Variants in CSGALNACT1 observed in about 807,000 individuals in gnomAD.
CSGALNACT1 encodes beta4GalNAcT-1.
CSGALNACT1 carries 52 observed loss-of-function variants against 51.0 expected under a neutral mutation model. The observed-to-expected ratio is 1.02, with a 90% confidence interval of 0.82 to 1.29. The LOEUF is 1.29. Ranked by LOEUF, CSGALNACT1 falls within the 50% of genes most tolerant of loss-of-function variation. CSGALNACT1 has a pLI of 0.00. For missense variants in CSGALNACT1, 935 were observed against 679.2 expected (o/e 1.38, Z -4.19); for synonymous variants, 341 against 254.4 (o/e 1.34, Z -3.24).
chr8:19,528,426 A>G (rs143387965), intron 3 of CSGALNACT1, among the ~76,000 whole-genome samples: 239 of 152,324 alleles, frequency 1.6e-3, no homozygotes, highest in Middle Eastern at 0.01. Context: ...AGGCCACTCC[A>G]TAATTTTGTC....
intron 1 of CSGALNACT1, among the ~76,000 whole-genome samples, chr8:19,699,943 T>C (rs574778545): frequency 6.6e-6 from 1 of 152,068 alleles, no homozygotes; most frequent in Admixed American, 6.5e-5. Flanking sequence ...AAACCCTGTC[T>C]CTACTAAAAA....
chr8:19,571,096 A>G (rs2042929521), intron 3 of CSGALNACT1, among the ~76,000 whole-genome samples: 1 of 152,080 alleles, frequency 6.6e-6, no homozygotes, highest in South Asian at 2.1e-4. Context: ...TCAGCCTCCC[A>G]AGTAACTGGA....
chr8:19,420,953 A>G (rs2057824751), intron 6 of CSGALNACT1, among the ~76,000 whole-genome samples: 1 of 152,224 alleles, frequency 6.6e-6, no homozygotes. Flanking sequence ...CTGCATTCAC[A>G]TCCAGGAGCC....
At chr8:19,589,190 G>A (rs539249082) in intron 3 of CSGALNACT1, among the ~76,000 whole-genome samples, 11 of 152,280 alleles carry the variant, frequency 7.2e-5, no homozygotes, top group East Asian at 3.9e-4. Flanking sequence ...AGCAGTGGGC[G>A]TTTCTTTGAG....
At chr8:19,677,011 G>C (rs2060243133) in intron 1 of CSGALNACT1, among the ~76,000 whole-genome samples, 1 of 152,292 alleles carries the variant, frequency 6.6e-6, no homozygotes, top group South Asian at 2.1e-4. Flanking sequence ...TCAAACTAAA[G>C]AGGATCAAGA....
exon 8 of CSGALNACT1, chr8:19,418,658 G>A (rs769932033): frequency 6.2e-7 from 1 of 1,605,256 alleles, no homozygotes; most frequent in Non-Finnish European, 8.5e-7. Context: ...TTACTCACCA[G>A]CTGCTGTTCC....
At chr8:19,647,637 C>G (rs1306264077) in intron 1 of CSGALNACT1, among the ~76,000 whole-genome samples, 1 of 152,164 alleles carries the variant, frequency 6.6e-6, no homozygotes, top group Non-Finnish European at 1.5e-5. Flanking sequence ...GTATTAGGAA[C>G]TCTGTAAAAT....
chr8:19,545,633 T>G (rs772348180), intron 3 of CSGALNACT1, among the ~76,000 whole-genome samples: 21 of 151,826 alleles, frequency 1.4e-4, no homozygotes, highest in Non-Finnish European at 2.5e-4. Context: ...ATGAGTATGC[T>G]AAAAAGATAA....
At chr8:19,611,080 G>A (rs900332572) in intron 1 of CSGALNACT1, among the ~76,000 whole-genome samples, 2 of 152,194 alleles carry the variant, frequency 1.3e-5, no homozygotes, top group African/African-American at 2.4e-5. Context: ...AACTTTTCCC[G>A]TTTCAGAAAA....
At chr8:19,425,903 C>T (rs2153710041) in intron 6 of CSGALNACT1, among the ~76,000 whole-genome samples, 1 of 152,234 alleles carries the variant, frequency 6.6e-6, no homozygotes, top group South Asian at 2.1e-4. Context: ...GAATCACCGC[C>T]CCTCCTGTGC....
chr8:19,412,309 G>T lies in CSGALNACT1; in HGVS notation c.1228-3615C>A, dbSNP rs556425414. On this transcript the variant is annotated intron_variant, in intron 8 of 9. Coordinates refer to ENST00000454498, the Ensembl canonical transcript of CSGALNACT1. ...AGGAAGTTTCCAGAGCCACAGCTCT[G>T]TGGACGATTCACGTGACAGGGATGA... Among the ~76,000 whole-genome samples, 7 of 152,306 alleles carry T rather than the reference G, an allele frequency of 4.6e-5. No individual in the cohort carries two copies. The South Asian group carries it at 1.4e-3, about 32-fold the overall frequency.
At chr8:19,417,912 C>G (rs1038912046) in intron 8 of CSGALNACT1, among the ~76,000 whole-genome samples, 1 of 152,216 alleles carries the variant, frequency 6.6e-6, no homozygotes, top group South Asian at 2.1e-4. Context: ...TTCTGGCTTG[C>G]CTTTCCTCCT....
chr8:19,679,090 C>T (rs2060404682), intron 1 of CSGALNACT1, among the ~76,000 whole-genome samples: 1 of 152,064 alleles, frequency 6.6e-6, no homozygotes, highest in Non-Finnish European at 1.5e-5. Context: ...ACTTGAAAAA[C>T]TTTCATAATT....
At chr8:19,503,616 G>A (rs1410689095) in intron 4 of CSGALNACT1, among the ~76,000 whole-genome samples, 1 of 151,928 alleles carries the variant, frequency 6.6e-6, no homozygotes, top group African/African-American at 2.4e-5. Flanking sequence ...GGGTCGGCTA[G>A]TAAACTAATA....
upstream of CSGALNACT1, among the ~76,000 whole-genome samples, chr8:19,686,034 A>C (rs546172344): frequency 1.3e-5 from 2 of 152,336 alleles, no homozygotes; most frequent in South Asian, 4.1e-4. Flanking sequence ...AAGTAGGAAG[A>C]TTACAGTGAT....
chr8:19,411,676 G>T (rs1456530536), intron 8 of CSGALNACT1, among the ~76,000 whole-genome samples: 1 of 152,182 alleles, frequency 6.6e-6, no homozygotes, highest in Non-Finnish European at 1.5e-5. Flanking sequence ...AGTGTGAGAA[G>T]CTCCACCATT....
intron 3 of CSGALNACT1, among the ~76,000 whole-genome samples, chr8:19,587,377 C>T (rs372639934): frequency 1.3e-5 from 2 of 152,192 alleles, no homozygotes; most frequent in African/African-American, 2.4e-5. Context: ...TTCTCAAAGG[C>T]TACTGGGTGA....
intron 1 of CSGALNACT1, among the ~76,000 whole-genome samples, chr8:19,645,212 C>A (rs1220569119): frequency 6.6e-6 from 1 of 152,168 alleles, no homozygotes; most frequent in Non-Finnish European, 1.5e-5. Context: ...ACAAAGGGAA[C>A]AATGTGCTGG....
At chr8:19,568,908 C>T (rs573887837) in intron 3 of CSGALNACT1, among the ~76,000 whole-genome samples, 2 of 152,308 alleles carry the variant, frequency 1.3e-5, no homozygotes, top group South Asian at 4.1e-4. Context: ...ACAGATCAAA[C>T]ATCCAACCAT....
Sources: gnomAD v4.1 joint callset for allele counts (sites outside exome capture counted in the v4.1 genomes callset) on GRCh38, gnomAD v4.1.1 for gene constraint, MANE v1.5 for transcripts, NCBI Gene and HGNC (gene_info 2026-07-23, HGNC 2026-07-21) for gene names.